Variants in TNKS2 observed in about 807,000 individuals in gnomAD.
The protein encoded by TNKS2 is tankyrase 2, also known as poly [ADP-ribose] polymerase tankyrase-2.
Under a neutral mutation model 137.6 loss-of-function variants are expected in TNKS2, and 72 were observed. That is an observed-to-expected ratio of 0.52 (90% CI 0.43 to 0.64). The LOEUF (loss-of-function observed/expected upper bound fraction) is 0.64. TNKS2 is among the 30% of genes least tolerant of loss of function. The pLI, the probability that TNKS2 is intolerant of heterozygous loss-of-function variation, is 0.00. For missense variants in TNKS2, 1,049 were observed against 1,410.2 expected (o/e 0.74, Z 4.10); for synonymous variants, 516 against 512.1 (o/e 1.01, Z -0.10).
intron 14 of TNKS2, 49 bp downstream of exon 14, chr10:91,840,755 C>A (rs1189540127): frequency 6.6e-7 from 1 of 1,519,450 alleles, no homozygotes; most frequent in Non-Finnish European, 8.9e-7. Context: ...TTTACTTGAC[C>A]TTTTTAGGAA....
chr10:91,814,351 T>C (rs1444387772), intron 2 of TNKS2, among the ~76,000 whole-genome samples: 1 of 152,228 alleles, frequency 6.6e-6, no homozygotes, highest in African/African-American at 2.4e-5. Flanking sequence ...TGTTTTAAGC[T>C]GTTATTACAA....
rs1354616059 is a variant in TNKS2 at position 91,798,699 on chromosome 10, T to G, written c.9T>G (p.Gly3=). 8.1e-7 allele frequency: 1 copy of G among 1,230,778 alleles called. No homozygotes were observed. 76.2% of individuals were successfully genotyped at this position (1,230,778 alleles called of 1,614,324 possible). A position where few individuals can be genotyped will look rare whatever the true frequency, so the allele number is the denominator to read the frequency against. The change falls in exon 1 of 27, where the codon GGT becomes GGG. Residue 3 remains glycine, a synonymous_variant. Transcript: ENST00000371627. The part of the protein sequence containing the change: MS[G]RRCAGGGAAC... ...TGGCGGCGGCCAGGATCATGTCGGG[T>G]CGCCGCTGCGCCGGCGGGGGAGCGG...
chr10:91,860,522 C>A (rs901279974), intron 25 of TNKS2, among the ~76,000 whole-genome samples: 2 of 152,146 alleles, frequency 1.3e-5, no homozygotes, highest in East Asian at 1.9e-4. Context: ...TAGAAAAAAA[C>A]CCCTAGAGCA....
chr10:91,846,614 T>C (rs1404826328), intron 18 of TNKS2, among the ~76,000 whole-genome samples: 1 of 152,188 alleles, frequency 6.6e-6, no homozygotes, highest in Non-Finnish European at 1.5e-5. Flanking sequence ...AGGAAGGAAT[T>C]CTTTTTGAGA....
chr10:91,798,540 T>G lies in TNKS2; in HGVS notation c.-151T>G. Reference sequence around the variant, plus strand: ...CGAGGGGCGCGCGTGGGCGCGGCCATGGGACTGCGCCGGATCCGGTGACAG... The same window carrying G: ...CGAGGGGCGCGCGTGGGCGCGGCCAGGGGACTGCGCCGGATCCGGTGACAG... On this transcript the variant is annotated 5_prime_UTR_variant, in exon 1 of 27. An upstream start codon of the reference 5' UTR is lost. Coordinates refer to ENST00000371627, the MANE Select transcript of TNKS2 (RefSeq NM_025235.4). The G allele has an allele frequency of 2.1e-6, 2 of 933,942 alleles. No individual in the cohort carries two copies. Among genetic ancestry groups the G allele is most frequent in the Non-Finnish European group, 2.7e-6 (2 of 729,558 alleles). 57.9% of individuals were successfully genotyped at this position (933,942 alleles called of 1,614,324 possible).
chr10:91,840,576 C>A lies in TNKS2; in HGVS notation c.1543C>A (p.Gln515Lys). Reference protein sequence around the residue: ...VETVKKLCTVQSVNCRDIEGR... With the variant: ...VETVKKLCTVKSVNCRDIEGR... The stretch of plus-strand genomic sequence containing the variant: ...TGTCCTTCAGAAACTGTGTACTGTT[C>A]AGAGTGTCAACTGCAGAGACATTGA... Residue 515 changes from glutamine (Q) to lysine (K), a missense_variant, in exon 14 of 27, where the codon CAG becomes AAG. Physicochemically the swap from Gln to Lys is moderately conservative, Grantham distance 53. Around this residue, in one of 6 missense-constraint regions of TNKS2, gnomAD observed 328 missense variants for 436.0 expected, o/e 0.75. Coordinates refer to ENST00000371627, the MANE Select transcript of TNKS2 (RefSeq NM_025235.4). 1.2e-6 allele frequency: 2 copies of A among 1,613,946 alleles called. No homozygotes were observed. Among genetic ancestry groups the A allele is most frequent in the South Asian group, 1.1e-5 (1 of 91,050 alleles).
chr10:91,818,071 A>G (rs1225802861), intron 3 of TNKS2, among the ~76,000 whole-genome samples: 1 of 152,230 alleles, frequency 6.6e-6, no homozygotes. Flanking sequence ...AAAGACTTCT[A>G]GAAGTGTGCA....
chr10:91,855,555 C>T (rs1842682161), intron 22 of TNKS2, 59 bp from the exon 23 acceptor site: 1 of 1,338,208 alleles, frequency 7.5e-7, no homozygotes, highest in Non-Finnish European at 1.1e-6. Context: ...CCATGTTCCC[C>T]AAATCAGAAA....
intron 15 of TNKS2, 55 bp downstream of exon 15, chr10:91,841,503 G>C (rs74149303): frequency 1.5e-6 from 2 of 1,377,088 alleles, no homozygotes; most frequent in Non-Finnish European, 1.9e-6. Flanking sequence ...TATGTTTATG[G>C]TTTTCTAAAT....
chr10:91,817,100 C>T, intron 2 of TNKS2, 34 bp from the exon 3 acceptor site: 3 of 1,450,206 alleles, frequency 2.1e-6, no homozygotes, highest in Non-Finnish European at 2.9e-6. Flanking sequence ...TTAAGATTAC[C>T]ATTGAACTTC....
chr10:91,828,266 A>G lies in TNKS2; in HGVS notation c.983-19A>G. 6.5e-7 allele frequency: 1 copy of G among 1,548,430 alleles called. No homozygotes were observed. The highest frequency in any genetic ancestry group is 8.7e-7 in the Non-Finnish European group (1 of 1,151,372). ...CAATTTGAACTCGTTATACATGTAA[A>G]TGCTTTTTCTTCATCTAGATGAATT... is the stretch of plus-strand genomic sequence containing the variant. On this transcript the variant is annotated intron_variant, in intron 8 of 26. Transcript: ENST00000371627.
At chr10:91,860,186 T>A (rs1260477564) in intron 25 of TNKS2, among the ~76,000 whole-genome samples, 1 of 152,208 alleles carries the variant, frequency 6.6e-6, no homozygotes, top group East Asian at 1.9e-4. Flanking sequence ...TTTAATTACC[T>A]GTTCTAACTC....
At position 91,857,419 on chromosome 10, in the gene TNKS2, T is replaced by A. The variant is rs760850351; in HGVS notation, c.2989-6T>A. On this transcript the variant is annotated splice_polypyrimidine_tract_variant and splice_region_variant and intron_variant, in intron 23 of 26. Coordinates refer to ENST00000371627, the MANE Select transcript of TNKS2 (RefSeq NM_025235.4). ...AGATTTGATTTTTCTGGTTTATTTT[T>A]TATAGATTCAGAAGGTTTGTAACAA... The A allele has an allele frequency of 2.0e-5, 32 of 1,581,970 alleles. No homozygotes were observed. The African/African-American group carries it at 4.2e-4, about 21-fold the overall frequency.
At position 91,844,938 on chromosome 10, in the gene TNKS2, A is replaced by C. The variant is rs1432727121; in HGVS notation, c.2079A>C (p.Glu693Asp). 10 of 1,610,056 alleles carry C rather than the reference A, an allele frequency of 6.2e-6. No homozygotes were observed. Among genetic ancestry groups the C allele is most frequent in the Non-Finnish European group, 7.6e-6 (9 of 1,178,302 alleles). The change falls in exon 17 of 27, where the codon GAA (glutamate) becomes GAC (aspartate). Residue 693 changes from glutamate to aspartate, a missense_variant. Physicochemically the swap from Glu to Asp is conservative, Grantham distance 45. Coordinates refer to ENST00000371627, the MANE Select transcript of TNKS2 (RefSeq NM_025235.4). The part of the protein sequence containing the change: ...LHLAAGYNNL[E>D]VAEYLLQHGA... ...AATTAGCTGGTTATAATAATTTAGA[A>C]GTTGCAGAGTATTTGTTACAACACG...
In TNKS2 at chr10:91,841,287, C is replaced by T. The variant is rs1045455549; in HGVS notation, c.1678C>T (p.Leu560Phe). The change falls in exon 15 of 27, where the codon CTT becomes TTT. Residue 560 changes from leucine to phenylalanine, a missense_variant. Physicochemically the swap from Leu to Phe is conservative, Grantham distance 22. Coordinates refer to ENST00000371627, the MANE Select transcript of TNKS2 (RefSeq NM_025235.4). Reference protein sequence around the residue: ...ADVHAKDKGGLVPLHNACSYG... With the variant: ...ADVHAKDKGGFVPLHNACSYG... ...TGTTCATTTATTACTTTTCAGAGGC[C>T]TTGTACCTTTGCACAATGCATGTTC... The T allele has an allele frequency of 6.4e-7, 1 of 1,554,548 alleles. No homozygotes were observed. The highest frequency in any genetic ancestry group is 8.7e-7 in the Non-Finnish European group (1 of 1,152,392).
Position 91,849,542 on chromosome 10 carries a change from T to G in TNKS2, c.2642T>G (p.Phe881Cys), listed in dbSNP as rs1251194833. Residue 881 changes from phenylalanine to cysteine, a missense_variant, in exon 20 of 27, where the codon TTC becomes TGC. This residue lies in a region of TNKS2 where 208 missense variants were observed against 231.2 expected (regional missense o/e 0.90). Coordinates refer to ENST00000371627, the MANE Select transcript of TNKS2 (RefSeq NM_025235.4). ...VPGVDFSITQ[F>C]VRNLGLEHLM... ...GGAGTAGATTTTAGCATAACTCAAT[T>G]CGTAAGGAATCTTGGACTTGAGCAC... is the stretch of plus-strand genomic sequence containing the variant. 10 of 1,612,068 alleles carry G rather than the reference T, an allele frequency of 6.2e-6. No individual in the cohort carries two copies. Among genetic ancestry groups the G allele is most frequent in the Non-Finnish European group, 8.5e-6 (10 of 1,179,380 alleles).
intron 22 of TNKS2, 35 bp downstream of exon 22, chr10:91,855,161 TA>T: frequency 7.7e-7 from 1 of 1,295,812 alleles, no homozygotes; most frequent in South Asian, 1.2e-5. Context: ...AGGTTTGCCG[TA>T]TATATTTAGT....
chr10:91,811,857 A>G (rs1353310541), intron 1 of TNKS2, among the ~76,000 whole-genome samples: 1 of 152,166 alleles, frequency 6.6e-6, no homozygotes, highest in Admixed American at 6.5e-5. Flanking sequence ...CAGGAGATCG[A>G]GACCATCCTG....
At chr10:91,828,218 G>C in intron 8 of TNKS2, 67 bp from the exon 9 acceptor site, 2 of 1,351,360 alleles carry the variant, frequency 1.5e-6, no homozygotes, top group Non-Finnish European at 2.0e-6. Context: ...GAAAATACTA[G>C]ATGTCTTTTA....
Sources: gnomAD v4.1 joint callset for allele counts (sites outside exome capture counted in the v4.1 genomes callset) on GRCh38, gnomAD v4.1.1 for gene constraint, gnomAD v4.1.1 regional missense constraint, MANE v1.5 for transcripts, NCBI Gene and HGNC (gene_info 2026-07-23, HGNC 2026-07-21) for gene names.